The following TOPBP1 variants were observed in gnomAD, a reference collection of about 807,000 sequenced individuals.
TOPBP1 encodes the protein DNA topoisomerase 2-binding protein 1.
A neutral mutation model predicts 167.7 loss-of-function variants in TOPBP1; 28 were observed. The observed-to-expected ratio is 0.17, with a 90% CI of 0.12 to 0.23. The LOEUF (loss-of-function observed/expected upper bound fraction) is 0.23. Among genes scored for constraint, TOPBP1 ranks in the 10% least tolerant of loss-of-function variants. The pLI is 1.00. For synonymous variants in TOPBP1, 598 were observed against 611.4 expected, an observed-to-expected ratio of 0.98 and a Z score of 0.32; for missense variants, 1,554 against 1,809.6, an observed-to-expected ratio of 0.86 and a Z score of 2.56.
Position 133,656,876 on chromosome 3 carries a change from A to G in TOPBP1, c.364-19T>C. On this transcript the variant is annotated intron_variant, in intron 4 of 27. Transcript: ENST00000260810. ...CTTCTTCCTGCAGCCCCAAAAGAGA[A>G]CACATTAATGCTGAAGCAAACAATA... 6.5e-7 allele frequency: 1 copy of G among 1,541,368 alleles called. No individual in the cohort carries two copies.
chr3:133,631,181 C>T (rs1021840889), intron 14 of TOPBP1, among the ~76,000 whole-genome samples: 3 of 152,142 alleles, frequency 2.0e-5, no homozygotes, highest in African/African-American at 7.2e-5. Flanking sequence ...AAAGTGAGAT[C>T]CTATTTCAAG....
intron 13 of TOPBP1, among the ~76,000 whole-genome samples, chr3:133,639,155 T>C (rs1935798946): frequency 6.6e-6 from 1 of 152,176 alleles, no homozygotes; most frequent in African/African-American, 2.4e-5. Context: ...TAAAGACACA[T>C]GTACACATAT....
chr3:133,653,644 TTG>T, intron 6 of TOPBP1, 120 bp from the exon 7 acceptor site: 1 of 859,668 alleles, frequency 1.2e-6, no homozygotes, highest in African/African-American at 1.8e-5. Context: ...TTTTTTTTTT[TTG>T]AGATGGAGTC....
rs1936342226 is a variant in TOPBP1, at chr3:133,652,585, T to C, written c.967A>G (p.Ser323Gly). The C allele has an allele frequency of 6.2e-7, 1 of 1,611,190 alleles. No homozygotes were observed. The highest frequency in any genetic ancestry group is 8.5e-7 in the Non-Finnish European group (1 of 1,179,648). The part of the protein sequence containing the change: ...DVSNISNINA[S>G]CVSESICNSL... Reference sequence around the variant, plus strand: ...TTACATATTGATTCACTTACGCAACTTGCATTTATGTTGGAAATATTGCTG... The same window carrying C: ...TTACATATTGATTCACTTACGCAACCTGCATTTATGTTGGAAATATTGCTG... The change falls in exon 8 of 28, where the codon AGT becomes GGT. Residue 323 changes from serine (S) to glycine (G), a missense_variant. Ser to Gly is a moderately conservative substitution (Grantham distance 56). Around this residue, in one of 3 missense-constraint regions of TOPBP1, gnomAD observed 1,197 missense variants for 1,351.5 expected, o/e 0.89. Transcript: ENST00000260810.
Position 133,649,963 on chromosome 3 carries a change from T to C in TOPBP1, c.1090-20A>G. The C allele has an allele frequency of 1.3e-6, 2 of 1,534,042 alleles. No individual in the cohort carries two copies. Among genetic ancestry groups the C allele is most frequent in the Non-Finnish European group, 1.7e-6 (2 of 1,144,360 alleles). On this transcript the variant is annotated intron_variant, in intron 8 of 27. Coordinates refer to ENST00000260810, the MANE Select transcript of TOPBP1 (RefSeq NM_007027.4). Reference sequence around the variant, plus strand: ...ATATATCTGCAAGAAAGAAAATATTTAATATACATAACATGCTTTCTCTCA... The same window carrying C: ...ATATATCTGCAAGAAAGAAAATATTCAATATACATAACATGCTTTCTCTCA...
chr3:133,622,042 G>C (rs753577102), intron 19 of TOPBP1, among the ~76,000 whole-genome samples: 7 of 151,670 alleles, frequency 4.6e-5, no homozygotes, highest in Non-Finnish European at 1.0e-4. Context: ...AGGGGGACAG[G>C]AAGGAAAGGG....
At chr3:133,644,709 A>G (rs1371280241) in intron 10 of TOPBP1, among the ~76,000 whole-genome samples, 1 of 152,238 alleles carries the variant, frequency 6.6e-6, no homozygotes, top group East Asian at 1.9e-4. Context: ...ACTATCATTA[A>G]GAAAAAAATT....
In TOPBP1 at chr3:133,652,578, A is replaced by C. The variant is rs1173057480; in HGVS notation, c.974T>G (p.Val325Gly). ...AAGTGAATTACATATTGATTCACTTACGCAACTTGCATTTATGTTGGAAAT... is the reference window on the plus strand; with the variant it reads ...AAGTGAATTACATATTGATTCACTTCCGCAACTTGCATTTATGTTGGAAAT... ...SNISNINASC[V>G]SESICNSLNS... is the part of the protein sequence containing the mutation. The change falls in exon 8 of 28, where the codon GTA becomes GGA. Residue 325 changes from valine (V) to glycine (G), a missense_variant. Around this residue, in one of 3 missense-constraint regions of TOPBP1, gnomAD observed 1,197 missense variants for 1,351.5 expected, o/e 0.89. Coordinates refer to ENST00000260810, the MANE Select transcript of TOPBP1 (RefSeq NM_007027.4). 19 of 1,611,696 alleles carry C rather than the reference A, an allele frequency of 1.2e-5. No individual in the cohort carries two copies. The highest frequency in any genetic ancestry group is 1.5e-5 in the Non-Finnish European group (18 of 1,179,740).
At chr3:133,604,121 CTTATTTATTTAT>C (rs372879387) in intron 27 of TOPBP1, among the ~76,000 whole-genome samples, 11 of 150,860 alleles carry the variant, frequency 7.3e-5, no homozygotes, top group Admixed American at 2.6e-4. Flanking sequence ...CAGGAATAAA[CTTATTTATTTAT>C]TTATTTATTT....
intron 8 of TOPBP1, 143 bp downstream of exon 8, chr3:133,652,319 GT>G: frequency 4.0e-6 from 3 of 757,026 alleles, no homozygotes; most frequent in Non-Finnish European, 2.1e-6. Context: ...GATGGACATG[GT>G]CTAGTAAGTG....
At position 133,607,778 on chromosome 3, in the gene TOPBP1, C is replaced by T. The variant is rs138429861; in HGVS notation, c.4425+757G>A. On this transcript the variant is annotated intron_variant, in intron 27 of 27. Coordinates refer to ENST00000260810, the MANE Select transcript of TOPBP1 (RefSeq NM_007027.4). ...ACTTGAATGAATGTCAAAAACATCACGTTGAGTGAAAACCTTAGATAAAAT... is the reference window on the plus strand; with the variant it reads ...ACTTGAATGAATGTCAAAAACATCATGTTGAGTGAAAACCTTAGATAAAAT... Among the ~76,000 whole-genome samples the T allele has an allele frequency of 1.6e-3, 242 of 152,288 alleles. 2 individuals carry two copies. Among genetic ancestry groups the T allele is most frequent in the African/African-American group, 5.2e-3 (217 of 41,560 alleles).
chr3:133,616,958 A>G, intron 22 of TOPBP1, 33 bp from the exon 23 acceptor site: 8 of 1,378,650 alleles, frequency 5.8e-6, no homozygotes, highest in Non-Finnish European at 7.8e-6. Flanking sequence ...GAAAAAATTA[A>G]CATTAAAAAT....
chr3:133,637,776 A>G (rs1012558121), intron 14 of TOPBP1, 100 bp downstream of exon 14: 6 of 1,295,644 alleles, frequency 4.6e-6, no homozygotes, highest in Non-Finnish European at 6.3e-6. Flanking sequence ...ATGTCTCTGG[A>G]AAATTTATTA....
chr3:133,624,121 G>T lies in TOPBP1; in HGVS notation c.2859C>A (p.Asp953Glu). The T allele has an allele frequency of 6.2e-7, 1 of 1,613,796 alleles. No individual in the cohort carries two copies. Among genetic ancestry groups the T allele is most frequent in the Non-Finnish European group, 8.5e-7 (1 of 1,179,804 alleles). Residue 953 changes from aspartate to glutamate, a missense_variant, in exon 17 of 28, where the codon GAC becomes GAA. By Grantham distance (45) the Asp-to-Glu change is conservative (BLOSUM62 2). Around this residue, in one of 3 missense-constraint regions of TOPBP1, gnomAD observed 1,197 missense variants for 1,351.5 expected, o/e 0.89. Transcript: ENST00000260810. Reference protein sequence around the residue: ...THFIYQGRPNDTNREYKSVKE... With the variant: ...THFIYQGRPNETNREYKSVKE... ...TTACAGATTTATACTCCCGATTAGT[G>T]TCATTTGGCCGCCCTTGATAGATGA...
intron 14 of TOPBP1, among the ~76,000 whole-genome samples, chr3:133,634,296 A>G (rs2107801880): frequency 1.3e-5 from 2 of 152,298 alleles, no homozygotes; most frequent in South Asian, 4.1e-4. Context: ...ATCACTTGAT[A>G]TCAGGAGTTC....
At position 133,656,879 on chromosome 3, in the gene TOPBP1, C is replaced by T. The variant is rs1216708719; in HGVS notation, c.364-22G>A. 3 of 1,508,366 alleles carry T rather than the reference C, an allele frequency of 2.0e-6. No homozygotes were observed. In the Admixed American group the frequency reaches 6.8e-5, roughly 34 times the overall value. The allele number at this position is 1,508,366 out of a possible 1,614,324, so 93.4% of individuals were successfully genotyped here. A position where few individuals can be genotyped will look rare whatever the true frequency, so the allele number is the denominator to read the frequency against. ...CTTCCTGCAGCCCCAAAAGAGAACA[C>T]ATTAATGCTGAAGCAAACAATATTG... On this transcript the variant is annotated intron_variant, in intron 4 of 27. Transcript: ENST00000260810.
chr3:133,608,907 C>G lies in TOPBP1; in HGVS notation c.4229G>C (p.Gly1410Ala). Residue 1410 changes from glycine to alanine, a missense_variant, in exon 26 of 28, where the codon GGC (glycine) becomes GCC (alanine). Transcript: ENST00000260810. ...ILHVDQSREA[G>A]FKRLLQSGGA... ...TCCTGACTGAAGAAGGCGTTTGAAG[C>G]CTGCTTCTCGAGACTGATCCACATG... 1 of 1,613,212 alleles carries G rather than the reference C, an allele frequency of 6.2e-7. No individual in the cohort carries two copies. Among genetic ancestry groups the G allele is most frequent in the South Asian group, 1.1e-5 (1 of 90,860 alleles).
chr3:133,658,839 A>C (rs1047685010), intron 3 of TOPBP1, among the ~76,000 whole-genome samples, 177 bp downstream of exon 3: 1 of 152,204 alleles, frequency 6.6e-6, no homozygotes, highest in African/African-American at 2.4e-5. Context: ...ACAAACAAAC[A>C]AAAAAAGCCT....
chr3:133,612,744 C>T (rs1293616226), intron 23 of TOPBP1, among the ~76,000 whole-genome samples, 192 bp from the exon 24 acceptor site: 2 of 151,282 alleles, frequency 1.3e-5, no homozygotes, highest in Admixed American at 1.3e-4. Context: ...TTATTATGAA[C>T]ATTTTAAATA....
Sources: gnomAD v4.1 joint callset for allele counts (sites outside exome capture counted in the v4.1 genomes callset) on GRCh38, gnomAD v4.1.1 for gene constraint, gnomAD v4.1.1 regional missense constraint, MANE v1.5 for transcripts, NCBI Gene and HGNC (gene_info 2026-07-23, HGNC 2026-07-21) for gene names.